Variants in CNTNAP4 observed in about 807,000 individuals in gnomAD.
CNTNAP4 encodes the protein contactin associated protein family member 4, also known as contactin-associated protein-like 4.
CNTNAP4 carries 98 observed loss-of-function variants against 148.4 expected under a neutral mutation model. The ratio of observed to expected loss-of-function variants is 0.66; its 90% CI spans 0.56 to 0.78. The LOEUF is 0.78. CNTNAP4 is among the 30% of genes least tolerant of loss of function. CNTNAP4 has a pLI of 0.00. For missense variants in CNTNAP4, 1,935 were observed against 1,565.6 expected, an observed-to-expected ratio of 1.24 and a Z score of -3.98; for synonymous variants, 730 against 565.1, an observed-to-expected ratio of 1.29 and a Z score of -4.14.
chr16:76,479,298 C>A, intron 11 of CNTNAP4, 121 bp from the exon 12 acceptor site: 1 of 766,664 alleles, frequency 1.3e-6, no homozygotes, highest in Non-Finnish European at 1.9e-6. Flanking sequence ...TAAGTTTTGC[C>A]TTTTCTCCTG....
intron 19 of CNTNAP4, among the ~76,000 whole-genome samples, chr16:76,538,774 A>G (rs1264734049): frequency 2.0e-5 from 3 of 152,048 alleles, no homozygotes; most frequent in Admixed American, 6.5e-5. Flanking sequence ...TGTCCACAAG[A>G]TGACCTTTTA....
chr16:76,403,034 AAAAC>A (rs937478653), intron 3 of CNTNAP4, among the ~76,000 whole-genome samples: 2 of 152,132 alleles, frequency 1.3e-5, no homozygotes, highest in African/African-American at 4.8e-5. Flanking sequence ...GGTGAAGAAA[AAAAC>A]AACTCCATTA....
chr16:76,489,952 A>G, intron 13 of CNTNAP4, 69 bp downstream of exon 13: 1 of 1,092,808 alleles, frequency 9.2e-7, no homozygotes. Flanking sequence ...AGCTCCTGAG[A>G]ATTTTAAGTC....
chr16:76,292,475 G>T (rs1047151700), intron 1 of CNTNAP4, among the ~76,000 whole-genome samples: 2 of 152,140 alleles, frequency 1.3e-5, no homozygotes, highest in Non-Finnish European at 2.9e-5. Context: ...GCCCTCAGCG[G>T]CATTACCAAT....
At chr16:76,434,459 C>A (rs912827911) in intron 4 of CNTNAP4, among the ~76,000 whole-genome samples, 1 of 152,118 alleles carries the variant, frequency 6.6e-6, no homozygotes, top group African/African-American at 2.4e-5. Flanking sequence ...GGCAATGAAA[C>A]CACATCTAGT....
intron 2 of CNTNAP4, among the ~76,000 whole-genome samples, chr16:76,317,945 G>A (rs1961979142): frequency 6.6e-6 from 1 of 152,150 alleles, no homozygotes; most frequent in Admixed American, 6.6e-5. Context: ...AAACTGGGGG[G>A]TGTTTGAATA....
At chr16:76,417,076 C>G (rs1451287317) in intron 3 of CNTNAP4, among the ~76,000 whole-genome samples, 1 of 151,310 alleles carries the variant, frequency 6.6e-6, no homozygotes, top group African/African-American at 2.4e-5. Flanking sequence ...TTTCTTCATC[C>G]ATTTACTTTT....
At chr16:76,481,417 C>T (rs2081822141) in intron 12 of CNTNAP4, among the ~76,000 whole-genome samples, 1 of 152,182 alleles carries the variant, frequency 6.6e-6, no homozygotes, top group Non-Finnish European at 1.5e-5. Flanking sequence ...CAGTGGCTCA[C>T]ACCTGTAATC....
chr16:76,416,028 A>T (rs1568075365), intron 3 of CNTNAP4, among the ~76,000 whole-genome samples: 2 of 149,868 alleles, frequency 1.3e-5, no homozygotes, highest in Admixed American at 6.7e-5. Flanking sequence ...TTTTCCCCCT[A>T]ATGTCTTAAC....
At chr16:76,319,908 G>C (rs1407533490) in intron 2 of CNTNAP4, among the ~76,000 whole-genome samples, 1 of 152,132 alleles carries the variant, frequency 6.6e-6, no homozygotes, top group African/African-American at 2.4e-5. Context: ...AAGATGCCCT[G>C]TTTGTAGTAC....
intron 20 of CNTNAP4, among the ~76,000 whole-genome samples, chr16:76,540,408 C>T (rs923407688): frequency 6.6e-6 from 1 of 151,852 alleles, no homozygotes; most frequent in Admixed American, 6.6e-5. Flanking sequence ...TTTTGGATTC[C>T]TTATCCAGTG....
At chr16:76,502,293 C>G (rs1477345384) in intron 15 of CNTNAP4, among the ~76,000 whole-genome samples, 1 of 151,854 alleles carries the variant, frequency 6.6e-6, no homozygotes, top group African/African-American at 2.4e-5. Flanking sequence ...GTTGGATGAG[C>G]AGTGGCTTCA....
At chr16:76,527,257 A>ACT (rs1315587510) in intron 17 of CNTNAP4, among the ~76,000 whole-genome samples, 1 of 152,164 alleles carries the variant, frequency 6.6e-6, no homozygotes, top group Admixed American at 6.5e-5. Context: ...CATATGTAGA[A>ACT]GGACCCTTCT....
chr16:76,501,665 C>T (rs1009150747), intron 15 of CNTNAP4, among the ~76,000 whole-genome samples: 2 of 152,106 alleles, frequency 1.3e-5, no homozygotes, highest in Non-Finnish European at 2.9e-5. Context: ...TGAGACGGCT[C>T]TCCACAGAGA....
At chr16:76,404,230 A>T (rs1036283178) in intron 3 of CNTNAP4, among the ~76,000 whole-genome samples, 2 of 152,196 alleles carry the variant, frequency 1.3e-5, no homozygotes, top group South Asian at 4.1e-4. Flanking sequence ...ACATGAAATT[A>T]AAAAGGTAAA....
At chr16:76,383,353 T>TGCCAAAGAATCAA (rs528497431) in intron 3 of CNTNAP4, among the ~76,000 whole-genome samples, 148 of 148,962 alleles carry the variant, frequency 9.9e-4, no homozygotes, top group African/African-American at 3.5e-3. Context: ...GAAAGATTCT[T>TGCCAAAGAATCAA]GCCAAAGTTC....
chr16:76,473,088 C>G (rs529693466), intron 10 of CNTNAP4, among the ~76,000 whole-genome samples: 2 of 152,242 alleles, frequency 1.3e-5, no homozygotes, highest in African/African-American at 4.8e-5. Context: ...TTTTAAATCT[C>G]CCTGTTTTTA....
At chr16:76,534,551 A>G (rs2084132313) in intron 17 of CNTNAP4, among the ~76,000 whole-genome samples, 2 of 152,156 alleles carry the variant, frequency 1.3e-5, no homozygotes, top group Admixed American at 1.3e-4. Flanking sequence ...ACTTAAGAGT[A>G]TTCCTGGACA....
chr16:76,298,486 ATG>A (rs3975398), intron 1 of CNTNAP4, among the ~76,000 whole-genome samples: 8,465 of 129,070 alleles, frequency 0.066, 245 homozygotes, highest in South Asian at 0.099. Flanking sequence ...GTGTACATGT[ATG>A]TGTGTGTGTG....
Sources: gnomAD v4.1 joint callset for allele counts (sites outside exome capture counted in the v4.1 genomes callset) on GRCh38, gnomAD v4.1.1 for gene constraint, MANE v1.5 for transcripts, NCBI Gene and HGNC (gene_info 2026-07-23, HGNC 2026-07-21) for gene names.